The following MIER1 variants were observed in gnomAD, a reference collection of about 807,000 sequenced individuals.
MIER1 encodes mesoderm induction early response protein 1.
Under a neutral mutation model 75.7 loss-of-function variants are expected in MIER1, and 40 were observed. That is an observed-to-expected ratio of 0.53 (90% CI 0.41 to 0.69). The LOEUF (loss-of-function observed/expected upper bound fraction) is 0.69. Ranked by LOEUF, MIER1 falls within the 30% of genes least tolerant of loss-of-function variation. The probability of loss-of-function intolerance (pLI) is 0.00; values close to 1 mark genes in which losing one functional copy is unlikely to be tolerated. For missense variants in MIER1, 574 were observed against 680.2 expected (o/e 0.84, Z 1.74); for synonymous variants, 213 against 223.4 (o/e 0.95, Z 0.42).
intron 8 of MIER1, 143 bp downstream of exon 8, chr1:66,963,303 C>A: frequency 1.9e-6 from 1 of 523,912 alleles, no homozygotes; most frequent in South Asian, 3.2e-5. Context: ...GAGGACCCTT[C>A]ATTATTTCTG....
At chr1:66,941,395 A>G (rs559905495) in intron 3 of MIER1, among the ~76,000 whole-genome samples, 4 of 152,176 alleles carry the variant, frequency 2.6e-5, no homozygotes, top group African/African-American at 9.6e-5. Context: ...TTAGATCACC[A>G]TATTCATTTT....
intron 4 of MIER1, chr1:66,947,556 A>G (rs1657945063): frequency 6.6e-6 from 1 of 152,152 alleles, no homozygotes; most frequent in South Asian, 2.1e-4. Context: ...CTCTTGATCC[A>G]TTGCTGCCTA....
chr1:66,952,072 A>AT (rs1299803462), intron 4 of MIER1, among the ~76,000 whole-genome samples: 3 of 152,168 alleles, frequency 2.0e-5, no homozygotes, highest in African/African-American at 7.2e-5. Context: ...CACAAAATAA[A>AT]TCTTAGTTAA....
intron 2 of MIER1, among the ~76,000 whole-genome samples, chr1:66,928,366 A>G (rs1264342198): frequency 6.6e-6 from 1 of 152,186 alleles, no homozygotes; most frequent in Non-Finnish European, 1.5e-5. Flanking sequence ...TGGTAGTTTA[A>G]CTGAAGAATC....
intron 11 of MIER1, among the ~76,000 whole-genome samples, chr1:66,973,631 T>A (rs1664135009): frequency 6.6e-6 from 1 of 152,090 alleles, no homozygotes; most frequent in Non-Finnish European, 1.5e-5. Flanking sequence ...TTAATTCTTA[T>A]AACTGAAATT....
chr1:66,977,751 T>C (rs1381525562), intron 12 of MIER1, among the ~76,000 whole-genome samples: 4 of 152,160 alleles, frequency 2.6e-5, no homozygotes. Context: ...ATTGTTATGA[T>C]GGAATTAACT....
intron 2 of MIER1, among the ~76,000 whole-genome samples, chr1:66,934,803 G>A (rs1047082777): frequency 4.6e-5 from 7 of 152,100 alleles, no homozygotes; most frequent in African/African-American, 1.4e-4. Context: ...ATTCCTGAGA[G>A]TAATAACAAA....
At chr1:66,926,013 C>A in intron 1 of MIER1, 129 bp from the exon 2 acceptor site, 85 of 595,468 alleles carry the variant, frequency 1.4e-4, no homozygotes, top group Non-Finnish European at 1.7e-4. Context: ...AAATGTTTTT[C>A]TAAAATTGTC....
intron 10 of MIER1, among the ~76,000 whole-genome samples, chr1:66,971,941 A>G (rs1291248375): frequency 6.6e-6 from 1 of 151,898 alleles, no homozygotes; most frequent in Admixed American, 6.6e-5. Flanking sequence ...AAATACAGTC[A>G]TGTAAGTAAA....
At chr1:66,946,803 C>T in intron 4 of MIER1, 1 of 984,830 alleles carries the variant, frequency 1.0e-6, no homozygotes, top group African/African-American at 1.7e-5. Flanking sequence ...ACTTTTCTCT[C>T]ACTACCTTAC....
intron 1 of MIER1, 148 bp downstream of exon 1, chr1:66,925,243 G>T (rs890614574): frequency 1.8e-5 from 25 of 1,354,888 alleles, no homozygotes; most frequent in South Asian, 7.6e-5. Context: ...GGGAGGGGCT[G>T]CCGCAGAACG....
At chr1:66,955,320 C>CA (rs934927725) in intron 4 of MIER1, among the ~76,000 whole-genome samples, 12 of 128,916 alleles carry the variant, frequency 9.3e-5, no homozygotes, top group Non-Finnish European at 1.9e-4. Context: ...ATACCAGCAG[C>CA]ATTAGCATCA....
At chr1:66,929,916 T>A (rs1652671075) in intron 2 of MIER1, among the ~76,000 whole-genome samples, 1 of 152,248 alleles carries the variant, frequency 6.6e-6, no homozygotes, top group African/African-American at 2.4e-5. Context: ...AAAAACGACC[T>A]ACATGTAAAA....
In MIER1 at chr1:66,957,140, C is replaced by A. The variant is rs539281017; in HGVS notation, c.340-919C>A. On this transcript the variant is annotated intron_variant, in intron 4 of 13. Transcript: ENST00000401041. Reference sequence around the variant, plus strand: ...GTTCACATGATTTGGATTAAATTTTCTTTTTATAATCAGAATTCTGTTATG... The same window carrying A: ...GTTCACATGATTTGGATTAAATTTTATTTTTATAATCAGAATTCTGTTATG... Among the ~76,000 whole-genome samples, 47 of 152,206 alleles carry A rather than the reference C, an allele frequency of 3.1e-4. No homozygotes were observed. The South Asian group carries it at 8.3e-3, about 27-fold the overall frequency.
intron 2 of MIER1, among the ~76,000 whole-genome samples, chr1:66,933,276 A>G (rs527885738): frequency 6.6e-6 from 1 of 152,176 alleles, no homozygotes; most frequent in Non-Finnish European, 1.5e-5. Context: ...TAAGGAATGT[A>G]CTAGGGACCT....
At chr1:66,937,457 C>T (rs1328301549) in intron 2 of MIER1, among the ~76,000 whole-genome samples, 2 of 151,980 alleles carry the variant, frequency 1.3e-5, no homozygotes, top group African/African-American at 2.4e-5. Flanking sequence ...TGGTGGCGCA[C>T]GCTTGTAATC....
At position 66,957,607 on chromosome 1, in the gene MIER1, T is replaced by TC. The variant is rs1354580753; in HGVS notation, c.340-451dup. The stretch of plus-strand genomic sequence containing the variant: ...TTTGTGTTTTTTTTTTTTTTTTTTT[T>TC]CATGTGTTCGGGCTGAGCTCTGAAT... On this transcript the variant is annotated intron_variant, in intron 4 of 13. Coordinates refer to ENST00000401041, the MANE Select transcript of MIER1 (RefSeq NM_001077700.3). Among the ~76,000 whole-genome samples the TC allele has an allele frequency of 2.2e-4, 24 of 110,312 alleles. No homozygotes were observed. The East Asian group carries it at 4.5e-3, about 21-fold the overall frequency. 72.4% of individuals were successfully genotyped at this position (110,312 alleles called of 152,430 possible).
intron 9 of MIER1, among the ~76,000 whole-genome samples, chr1:66,971,239 G>T (rs1663543490): frequency 2.0e-5 from 3 of 152,072 alleles, no homozygotes; most frequent in Admixed American, 2.0e-4. Context: ...TGTATATCAA[G>T]TTGGAATTCT....
In MIER1 at chr1:66,926,145, G is replaced by A. The variant is rs755248591; in HGVS notation, c.71G>A (p.Gly24Asp). 1.2e-6 allele frequency: 2 copies of A among 1,613,372 alleles called. No individual in the cohort carries two copies. The highest frequency in any genetic ancestry group is 1.7e-5 in the Admixed American group (1 of 60,018). Residue 24 changes from glycine to aspartate, a missense_variant, in exon 2 of 14, where the codon GGT becomes GAT. Gly to Asp is a moderately conservative substitution (Grantham distance 94). Coordinates refer to ENST00000401041, the MANE Select transcript of MIER1 (RefSeq NM_001077700.3). ...GGGGSSGSGY[G>D]VVARFSQCLA... ...GGCTCTCTTTCCTTTGATCCAGATG[G>A]TGTGGTCGCTCGATTCTCCCAGTGC...
Sources: allele counts gnomAD v4.1 joint callset (sites outside exome capture counted in the v4.1 genomes callset), GRCh38; gene constraint gnomAD v4.1.1; transcripts MANE v1.5; gene names NCBI Gene and HGNC (gene_info 2026-07-23, HGNC 2026-07-21).